The following RBM44 variants were observed in gnomAD, a reference collection of about 807,000 sequenced individuals.
RBM44 encodes the protein RNA-binding protein 44.
In RBM44, 66 loss-of-function variants were observed where a neutral mutation model predicts 105.1. The ratio of observed to expected loss-of-function variants is 0.63; its 90% CI spans 0.52 to 0.77. RBM44 has a LOEUF of 0.77. Ranked by LOEUF, RBM44 falls within the 30% of genes least tolerant of loss-of-function variation. The probability of loss-of-function intolerance (pLI) is 0.00; values close to 1 mark genes in which losing one functional copy is unlikely to be tolerated. For missense variants in RBM44, 1,122 were observed against 1,207.8 expected (o/e 0.93, Z 1.05); for synonymous variants, 365 against 417.6 (o/e 0.87, Z 1.54).
At chr2:237,825,070 T>C (rs1369643580) in intron 10 of RBM44, among the ~76,000 whole-genome samples, 2 of 152,128 alleles carry the variant, frequency 1.3e-5, no homozygotes, top group African/African-American at 4.8e-5. Flanking sequence ...TTTAAAAATA[T>C]AGGAAAATTA....
intron 13 of RBM44, 68 bp from the exon 14 acceptor site, chr2:237,833,929 A>G: frequency 1.4e-6 from 1 of 731,474 alleles, no homozygotes; most frequent in Middle Eastern, 4.4e-4. Flanking sequence ...TTATTGTTGA[A>G]TAAGCGGTAT....
intron 15 of RBM44, 87 bp downstream of exon 15, chr2:237,834,510 T>C (rs2061937244): frequency 1.6e-6 from 1 of 623,496 alleles, no homozygotes; most frequent in Non-Finnish European, 2.5e-6. Flanking sequence ...AAAAAACATA[T>C]TAAATTTAAA....
intron 1 of RBM44, among the ~76,000 whole-genome samples, chr2:237,811,155 C>T (rs1249496007): frequency 6.6e-6 from 1 of 152,166 alleles, no homozygotes; most frequent in Non-Finnish European, 1.5e-5. Context: ...TTCACCTGGA[C>T]TACCTTATTT....
At position 237,806,913 on chromosome 2, in the gene RBM44, C is replaced by T. The variant is rs893416980; in HGVS notation, c.-18-6679C>T. Among the ~76,000 whole-genome samples the T allele has an allele frequency of 2.6e-5, 4 of 152,220 alleles. No individual in the cohort carries two copies. The South Asian group carries it at 8.3e-4, about 32-fold the overall frequency. On this transcript the variant is annotated intron_variant, in intron 1 of 15. Transcript: ENST00000316997. The stretch of plus-strand genomic sequence containing the variant: ...GTTTAGTAAGTCCCACTGTCACTGC[C>T]ACAATATCTACTTTTTAATATTTCT...
chr2:237,819,748 GATA>G (rs2061762823), intron 4 of RBM44, among the ~76,000 whole-genome samples: 2 of 151,850 alleles, frequency 1.3e-5, no homozygotes, highest in South Asian at 2.1e-4. Context: ...CTATTAAAAA[GATA>G]ATATGTTTTA....
intron 1 of RBM44, among the ~76,000 whole-genome samples, chr2:237,812,054 C>T (rs1222298280): frequency 1.3e-5 from 2 of 151,862 alleles, no homozygotes; most frequent in Non-Finnish European, 2.9e-5. Context: ...CAAGGTCTCA[C>T]CACGTTACCC....
chr2:237,801,252 G>A (rs891646717), intron 1 of RBM44, among the ~76,000 whole-genome samples: 4 of 152,148 alleles, frequency 2.6e-5, no homozygotes, highest in East Asian at 1.9e-4. Context: ...ACCCAGGGAC[G>A]TTGAGACTGC....
intron 8 of RBM44, among the ~76,000 whole-genome samples, chr2:237,823,133 A>G (rs1018131167): frequency 3.4e-5 from 5 of 148,088 alleles, no homozygotes; most frequent in Non-Finnish European, 7.5e-5. Context: ...ATATATATAT[A>G]TACACCTCCA....
intron 1 of RBM44, among the ~76,000 whole-genome samples, chr2:237,808,631 G>A (rs972961823): frequency 2.0e-5 from 3 of 152,254 alleles, no homozygotes; most frequent in African/African-American, 4.8e-5. Context: ...AGCATGGGGA[G>A]ACAAAAGGAT....
Position 237,841,837 on chromosome 2 carries a change from A to G in RBM44, c.*23-2A>G, listed in dbSNP as rs1305318258. 1.3e-5 allele frequency: 2 copies of G among 152,188 alleles called. No individual in the cohort carries two copies. The highest frequency in any genetic ancestry group is 4.8e-5 in the African/African-American group (2 of 41,460). The allele number at this position is 152,188 out of a possible 1,614,324, so 9.4% of individuals were successfully genotyped here. A position where few individuals can be genotyped will look rare whatever the true frequency, so the allele number is the denominator to read the frequency against. ...TTGATTTCTCCTTTCTTTTGATTCT[A>G]GAACTTCCTTGGAAAGTGTGTTTCC... On this transcript the variant is annotated splice_acceptor_variant, in intron 15 of 15. Transcript: ENST00000316997. LOFTEE classifies it low-confidence loss of function (3UTR_SPLICE). This position sits in a 1 kb window ranked among gnomAD's most constrained non-coding sequence, Gnocchi z 4.5.
intron 13 of RBM44, 68 bp downstream of exon 13, chr2:237,829,570 A>C: frequency 7.4e-7 from 1 of 1,355,468 alleles, no homozygotes; most frequent in South Asian, 1.4e-5. Flanking sequence ...GCTTTGTAGA[A>C]TAAATAACTT....
intron 4 of RBM44, among the ~76,000 whole-genome samples, chr2:237,819,666 G>A (rs1359597928): frequency 6.6e-6 from 1 of 151,918 alleles, no homozygotes; most frequent in Non-Finnish European, 1.5e-5. Flanking sequence ...GGGGCTTTTT[G>A]ATATAATAGT....
At chr2:237,816,206 C>T (rs7576802) in intron 2 of RBM44, among the ~76,000 whole-genome samples, 2 of 151,406 alleles carry the variant, frequency 1.3e-5, no homozygotes, top group Admixed American at 1.3e-4. Context: ...CCCTTTTTTT[C>T]AAAAATTTAC....
intron 1 of RBM44, among the ~76,000 whole-genome samples, chr2:237,804,014 C>T (rs1347795614): frequency 6.6e-6 from 1 of 151,962 alleles, no homozygotes; most frequent in African/African-American, 2.4e-5. Context: ...GGACTACAAG[C>T]GTGTGCCACC....
At position 237,834,037 on chromosome 2, in the gene RBM44, T is replaced by C. The variant is rs905387328; in HGVS notation, c.2927T>C (p.Leu976Ser). The change falls in exon 14 of 16, where the codon TTA becomes TCA. Residue 976 changes from leucine (L) to serine (S), a missense_variant. This residue lies in a region of RBM44 where 194 missense variants were observed against 225.5 expected (regional missense o/e 0.86). Transcript: ENST00000316997. The stretch of plus-strand genomic sequence containing the variant: ...TGTAAGCAGATTGAATCTGCTAAAT[T>C]ATTACCTGATACACCCGTTCAATTC... ...KNCKQIESAK[L>S]LPDTPVQFIP... 2.6e-6 allele frequency: 4 copies of C among 1,567,606 alleles called. No individual in the cohort carries two copies. The highest frequency in any genetic ancestry group is 3.5e-6 in the Non-Finnish European group (4 of 1,153,950).
At chr2:237,840,868 T>C (rs1361828413) in intron 15 of RBM44, among the ~76,000 whole-genome samples, 2 of 152,140 alleles carry the variant, frequency 1.3e-5, no homozygotes, top group Non-Finnish European at 2.9e-5. Flanking sequence ...AACCACAAGA[T>C]ACCATCTTAT....
chr2:237,824,207 C>A, intron 9 of RBM44, 84 bp from the exon 10 acceptor site: 1 of 1,326,366 alleles, frequency 7.5e-7, no homozygotes, highest in Non-Finnish European at 1.1e-6. Flanking sequence ...CATCATCGTA[C>A]TGATTCATCC....
rs1249411246 is a variant in RBM44, at chr2:237,829,342, CA to C, written c.2727del (p.Pro910HisfsTer15). ...WPVKILGEYT[S>X]PLSSKNGNRI... ...GTTAAAATTCTTGGAGAATATACAT[CA>C]CCACTTTCCTCCAAAAATGGGAATA... On this transcript the variant is annotated frameshift_variant, in exon 13 of 16. Transcript: ENST00000316997. LOFTEE classifies it high-confidence loss of function. 6.2e-7 allele frequency: 1 copy of C among 1,613,490 alleles called. No homozygotes were observed. Among genetic ancestry groups the C allele is most frequent in the East Asian group, 2.2e-5 (1 of 44,880 alleles).
At chr2:237,820,932 T>C (rs2150980833) in intron 5 of RBM44, 139 bp from the exon 6 acceptor site, 5 of 594,992 alleles carry the variant, frequency 8.4e-6, no homozygotes, top group African/African-American at 7.7e-5. Flanking sequence ...ACACATGTAG[T>C]CCTAGCAACT....
Sources: gnomAD v4.1 joint callset for allele counts (sites outside exome capture counted in the v4.1 genomes callset) on GRCh38, gnomAD v4.1.1 for gene constraint, gnomAD v4.1.1 regional missense constraint, Gnocchi (gnomAD v3.1) non-coding constraint, MANE v1.5 for transcripts, NCBI Gene and HGNC (gene_info 2026-07-23, HGNC 2026-07-21) for gene names.